Variants in COL23A1 observed in about 807,000 individuals in gnomAD.
The protein encoded by COL23A1 is collagen type XXIII alpha 1 chain.
A neutral mutation model predicts 99.3 loss-of-function variants in COL23A1; 97 were observed. The ratio of observed to expected loss-of-function variants is 0.98; its 90% confidence interval spans 0.83 to 1.16. The LOEUF (loss-of-function observed/expected upper bound fraction) is 1.16. Ranked by LOEUF, COL23A1 falls within the 50% of genes most tolerant of loss-of-function variation. The pLI is 0.00. For missense variants in COL23A1, 762 were observed against 757.4 expected, an observed-to-expected ratio of 1.01 and a Z score of -0.07; for synonymous variants, 320 against 308.2, an observed-to-expected ratio of 1.04 and a Z score of -0.40.
intron 2 of COL23A1, among the ~76,000 whole-genome samples, chr5:178,338,469 G>A (rs997246775): frequency 3.3e-5 from 5 of 152,102 alleles, no homozygotes; most frequent in South Asian, 2.1e-4. Flanking sequence ...AAGCTGGGGC[G>A]CCGCTGCCGT....
Position 178,544,847 on chromosome 5 carries a change from G to T in COL23A1, c.361+15835C>A, listed in dbSNP as rs1454353950. On this transcript the variant is annotated intron_variant, in intron 2 of 28. Coordinates refer to ENST00000390654, the MANE Select transcript of COL23A1 (RefSeq NM_173465.4). The surrounding 1 kb of genome is among the most constrained non-coding windows in gnomAD (Gnocchi z 4.4). ...AGGCCAAAGCGGGTGGATTGGTGGA[G>T]CCCAGGAGTTTGAGACCAGGGAGGC... Among the ~76,000 whole-genome samples the T allele has an allele frequency of 2.0e-5, 3 of 152,134 alleles. No homozygotes were observed. The highest frequency in any genetic ancestry group is 4.4e-5 in the Non-Finnish European group (3 of 68,022).
intron 2 of COL23A1, among the ~76,000 whole-genome samples, chr5:178,423,967 A>G (rs532306010): frequency 1.3e-5 from 2 of 152,324 alleles, no homozygotes; most frequent in South Asian, 4.1e-4. Context: ...AGGTGGAAAA[A>G]GCCCATTTTA....
rs115200703 is a variant in COL23A1, at chr5:178,290,960, T to G, written c.407-591A>C. 2.3e-3 allele frequency among the ~76,000 whole-genome samples: 346 copies of G among 152,298 alleles called. 3 individuals carry two copies. The highest frequency in any genetic ancestry group is 7.9e-3 in the African/African-American group (327 of 41,574). ...CACAGGGGCTTCACCTCACAGCTTG[T>G]GAAGCATGTTGCATACTCGTTATTG... On this transcript the variant is annotated intron_variant, in intron 3 of 28. Coordinates refer to ENST00000390654, the MANE Select transcript of COL23A1 (RefSeq NM_173465.4).
chr5:178,584,730 G>A (rs898968795), intron 1 of COL23A1, among the ~76,000 whole-genome samples: 1 of 152,294 alleles, frequency 6.6e-6, no homozygotes, highest in Admixed American at 6.5e-5. Flanking sequence ...GGAGCTGGGG[G>A]AAAGGCAGGA....
chr5:178,576,467 T>C (rs1439404447), intron 1 of COL23A1, among the ~76,000 whole-genome samples: 1 of 152,126 alleles, frequency 6.6e-6, no homozygotes, highest in African/African-American at 2.4e-5. Flanking sequence ...ACTCCTGACC[T>C]CGTGATCCAC....
At chr5:178,276,312 G>C (rs985159695) in intron 5 of COL23A1, among the ~76,000 whole-genome samples, 22 of 152,170 alleles carry the variant, frequency 1.4e-4, no homozygotes, top group Admixed American at 8.5e-4. Context: ...AGGAGTAAAC[G>C]CTCAAATCGG....
Position 178,455,783 on chromosome 5 carries a change from T to C in COL23A1, c.361+104899A>G, listed in dbSNP as rs560782286. 8.5e-5 allele frequency among the ~76,000 whole-genome samples: 13 copies of C among 152,048 alleles called. 1 individual carries two copies. The South Asian group carries it at 2.7e-3, about 32-fold the overall frequency. ...AGAGCGGAGGACCAGCCCTCTACAG[T>C]GGCCCTATGTCTGACACTGGCTCCC... On this transcript the variant is annotated intron_variant, in intron 2 of 28. Coordinates refer to ENST00000390654, the MANE Select transcript of COL23A1 (RefSeq NM_173465.4).
intron 3 of COL23A1, among the ~76,000 whole-genome samples, chr5:178,292,827 C>T (rs1323356385): frequency 2.6e-5 from 4 of 152,112 alleles, no homozygotes; most frequent in Admixed American, 2.6e-4. Context: ...CTGAAGGGGT[C>T]AGAAGCTTGG....
intron 2 of COL23A1, among the ~76,000 whole-genome samples, chr5:178,511,042 AAAGG>A (rs1759178299): frequency 6.6e-6 from 1 of 152,362 alleles, no homozygotes; most frequent in South Asian, 2.1e-4. Flanking sequence ...CAAGAGCTAA[AAAGG>A]AAGGAACTAG....
chr5:178,243,488 CAAAAAA>C (rs1199927228), intron 25 of COL23A1, among the ~76,000 whole-genome samples: 1 of 86,784 alleles, frequency 1.2e-5, no homozygotes, highest in Non-Finnish European at 2.5e-5. Flanking sequence ...ACTCCATCTC[CAAAAAA>C]AAAAAAAAAA....
chr5:178,245,918 T>C, intron 25 of COL23A1, 24 bp downstream of exon 25: 4 of 1,613,812 alleles, frequency 2.5e-6, no homozygotes, highest in Non-Finnish European at 3.4e-6. Flanking sequence ...ACCCAATTAC[T>C]CAAAGTGATG....
intron 2 of COL23A1, among the ~76,000 whole-genome samples, chr5:178,543,291 G>A (rs1761396877): frequency 6.6e-6 from 1 of 152,060 alleles, no homozygotes; most frequent in Non-Finnish European, 1.5e-5. Context: ...ATTTTTAGTA[G>A]AGACAAGGTT....
intron 2 of COL23A1, among the ~76,000 whole-genome samples, chr5:178,375,767 GCA>G (rs1235036628): frequency 6.6e-6 from 1 of 152,134 alleles, no homozygotes; most frequent in Non-Finnish European, 1.5e-5. Flanking sequence ...GAGTGCAGTG[GCA>G]CAATCTTGGC....
At chr5:178,419,218 T>C (rs1765467727) in intron 2 of COL23A1, among the ~76,000 whole-genome samples, 1 of 152,198 alleles carries the variant, frequency 6.6e-6, no homozygotes, top group Admixed American at 6.5e-5. Context: ...TAGAGCCAAA[T>C]GTCTTCTCTG....
intron 2 of COL23A1, among the ~76,000 whole-genome samples, chr5:178,522,843 C>A (rs867886020): frequency 1.3e-5 from 2 of 152,028 alleles, no homozygotes; most frequent in Middle Eastern, 6.8e-3. Context: ...ATTCAAGTCT[C>A]CCCCCAGTCT....
At chr5:178,337,039 A>C (rs1760363546) in intron 2 of COL23A1, among the ~76,000 whole-genome samples, 1 of 152,192 alleles carries the variant, frequency 6.6e-6, no homozygotes, top group Non-Finnish European at 1.5e-5. Context: ...GATCACGCAG[A>C]TCTCTCCAGT....
intron 2 of COL23A1, among the ~76,000 whole-genome samples, chr5:178,433,452 C>T (rs1047421212): frequency 2.6e-5 from 4 of 152,158 alleles, no homozygotes; most frequent in African/African-American, 7.2e-5. Context: ...TGGAAGCTCT[C>T]GGAACCTCGT....
At chr5:178,522,422 A>G (rs1241746298) in intron 2 of COL23A1, among the ~76,000 whole-genome samples, 1 of 152,162 alleles carries the variant, frequency 6.6e-6, no homozygotes, top group African/African-American at 2.4e-5. Flanking sequence ...GTCATCTACC[A>G]CACCCTAGGA....
chr5:178,455,089 C>G (rs1434342827), intron 2 of COL23A1, among the ~76,000 whole-genome samples: 1 of 152,244 alleles, frequency 6.6e-6, no homozygotes, highest in Non-Finnish European at 1.5e-5. Context: ...TAAGGACCTG[C>G]TCCCCTCCAG....
Sources: allele counts gnomAD v4.1 joint callset (sites outside exome capture counted in the v4.1 genomes callset), GRCh38; gene constraint gnomAD v4.1.1; non-coding constraint Gnocchi (gnomAD v3.1); transcripts MANE v1.5; gene names NCBI Gene and HGNC (gene_info 2026-07-23, HGNC 2026-07-21).